TARBP1: variants seen among roughly 807,000 people sequenced by gnomAD.
The protein encoded by TARBP1 is tRNA (guanosine(18)-2'-O)-methyltransferase TARBP1.
In TARBP1, 144 loss-of-function variants were observed where a neutral mutation model predicts 178.6. The observed-to-expected ratio is 0.81, with a 90% CI of 0.70 to 0.93. The LOEUF is 0.93. TARBP1 is among the 40% of genes least tolerant of loss of function. The pLI, the probability that TARBP1 is intolerant of heterozygous loss-of-function variation, is 0.00. For synonymous variants in TARBP1, 787 were observed against 781.0 expected (o/e 1.01, Z -0.13); for missense variants, 2,067 against 2,011.7 (o/e 1.03, Z -0.53).
At chr1:234,412,946 T>C (rs959341310) in intron 22 of TARBP1, among the ~76,000 whole-genome samples, 1 of 152,036 alleles carries the variant, frequency 6.6e-6, no homozygotes, top group African/African-American at 2.4e-5. Context: ...GCCTGATGCA[T>C]CCAGAGGTTG....
intron 6 of TARBP1, among the ~76,000 whole-genome samples, chr1:234,462,002 T>C (rs1667905833): frequency 6.6e-6 from 1 of 152,242 alleles, no homozygotes; most frequent in African/African-American, 2.4e-5. Context: ...CAGAAGATAT[T>C]CACTGGAAAC....
At chr1:234,415,306 T>A (rs536473962) in intron 22 of TARBP1, among the ~76,000 whole-genome samples, 2 of 152,254 alleles carry the variant, frequency 1.3e-5, no homozygotes, top group East Asian at 3.9e-4. Context: ...TCCTTTATGG[T>A]AAAAGGAAGA....
intron 25 of TARBP1, 104 bp from the exon 26 acceptor site, chr1:234,398,657 T>C: frequency 1.2e-6 from 1 of 856,776 alleles, no homozygotes; most frequent in Non-Finnish European, 1.7e-6. Flanking sequence ...TTCTCCAAAC[T>C]ATTACATCTG....
intron 23 of TARBP1, among the ~76,000 whole-genome samples, chr1:234,409,225 C>T (rs879136397): frequency 3.3e-5 from 5 of 150,230 alleles, no homozygotes; most frequent in Admixed American, 2.6e-4. Context: ...TTGGATGTTT[C>T]GAAAATAAAA....
rs777099425 is a variant in TARBP1, at chr1:234,450,520, G to A, written c.1769C>T (p.Pro590Leu). 1.2e-6 allele frequency: 2 copies of A among 1,611,754 alleles called. No homozygotes were observed. The highest frequency in any genetic ancestry group is 1.7e-5 in the Admixed American group (1 of 59,508). ...GTGAAGTCCAATGGAGCTACACGTA[G>A]GGGATGGCTTAAAATAGCTTTCATT... is the stretch of plus-strand genomic sequence containing the variant. ...RVNESYFKPS[P>L]TCSSIGLHKT... Residue 590 changes from proline (P) to leucine (L), a missense_variant, in exon 10 of 30, where the codon CCT becomes CTT. Transcript: ENST00000040877.
Position 234,478,299 on chromosome 1 carries a change from C to A in TARBP1, c.805G>T (p.Val269Leu). Residue 269 changes from valine (V) to leucine (L), a missense_variant, in exon 1 of 30, where the codon GTG becomes TTG. Coordinates refer to ENST00000040877, the MANE Select transcript of TARBP1 (RefSeq NM_005646.4). ...ARRCWRFWRT[V>L]QAGLGQADAL... ...TCCGCCTGGCCCAGCCCCGCCTGCACCGTCCTCCAGAAGCGCCAGCAGCGC... is the reference window on the plus strand; with the variant it reads ...TCCGCCTGGCCCAGCCCCGCCTGCAACGTCCTCCAGAAGCGCCAGCAGCGC... The A allele has an allele frequency of 2.6e-6, 4 of 1,545,846 alleles. No homozygotes were observed. Among genetic ancestry groups the A allele is most frequent in the Non-Finnish European group, 2.6e-6 (3 of 1,150,912 alleles).
At chr1:234,427,832 A>C (rs1663955224) in intron 17 of TARBP1, 66 bp from the exon 18 acceptor site, 1 of 1,171,566 alleles carries the variant, frequency 8.5e-7, no homozygotes, top group East Asian at 2.9e-5. Context: ...GCTGCTAAAA[A>C]CTGTTACTTA....
At chr1:234,472,380 C>CCGA (rs956836267) in intron 2 of TARBP1, among the ~76,000 whole-genome samples, 78 of 150,828 alleles carry the variant, frequency 5.2e-4, no homozygotes, top group African/African-American at 1.5e-3. Context: ...AGGCCCCACC[C>CCGA]CGACCTACTG....
intron 1 of TARBP1, among the ~76,000 whole-genome samples, chr1:234,476,251 C>G (rs1055680389): frequency 6.6e-6 from 1 of 152,126 alleles, no homozygotes; most frequent in Non-Finnish European, 1.5e-5. Flanking sequence ...CATAAAGGAG[C>G]ATTTGATGGA....
Position 234,391,466 on chromosome 1 carries a change from G to A in TARBP1, c.*111C>T. 7.9e-7 allele frequency: 1 copy of A among 1,268,170 alleles called. No individual in the cohort carries two copies. The highest frequency in any genetic ancestry group is 1.5e-5 in the African/African-American group (1 of 66,502). The allele number at this position is 1,268,170 out of a possible 1,614,324, so 78.6% of individuals were successfully genotyped here. On this transcript the variant is annotated 3_prime_UTR_variant, in exon 30 of 30. Transcript: ENST00000040877. ...GCAAACTTTTGGCATTAAATTGCAA[G>A]AAAAAAGAAATACAAATTATCACAA... is the stretch of plus-strand genomic sequence containing the variant.
intron 12 of TARBP1, among the ~76,000 whole-genome samples, chr1:234,443,532 A>G (rs974087909): frequency 3.3e-5 from 5 of 152,176 alleles, no homozygotes; most frequent in Non-Finnish European, 1.5e-5. Flanking sequence ...TGAAAATGTA[A>G]AAAGGTACAG....
rs1669889026 is a variant in TARBP1, at chr1:234,479,118, C to G, written c.-15G>C. ...ACCCACTCCATTTGCCGAGCGCCCG[C>G]GCCACCGGCCCGGGCTCCCAAAGGA... On this transcript the variant is annotated 5_prime_UTR_variant, in exon 1 of 30. Coordinates refer to ENST00000040877, the MANE Select transcript of TARBP1 (RefSeq NM_005646.4). 6.6e-7 allele frequency: 1 copy of G among 1,521,156 alleles called. No individual in the cohort carries two copies. The highest frequency in any genetic ancestry group is 8.7e-7 in the Non-Finnish European group (1 of 1,148,026). The allele number at this position is 1,521,156 out of a possible 1,614,324, so 94.2% of individuals were successfully genotyped here.
chr1:234,421,895 T>C (rs1307013182), intron 20 of TARBP1, among the ~76,000 whole-genome samples: 1 of 152,164 alleles, frequency 6.6e-6, no homozygotes, highest in African/African-American at 2.4e-5. Flanking sequence ...ATAACTTCTC[T>C]GACCTTTCTT....
At chr1:234,439,848 A>C (rs1665414061) in intron 12 of TARBP1, among the ~76,000 whole-genome samples, 1 of 152,182 alleles carries the variant, frequency 6.6e-6, no homozygotes, top group African/African-American at 2.4e-5. Flanking sequence ...GATACAAGGA[A>C]TAAATAGAAA....
rs868331690 is a variant in TARBP1 at position 234,446,490 on chromosome 1, A to G, written c.2134+313T>C. On this transcript the variant is annotated intron_variant, in intron 12 of 29. Transcript: ENST00000040877. Reference sequence around the variant, plus strand: ...TCTAGAAATCAATAAGCATGCATAAATATTTTTAAAAAGCAAATGAAATTA... The same window carrying G: ...TCTAGAAATCAATAAGCATGCATAAGTATTTTTAAAAAGCAAATGAAATTA... Among the ~76,000 whole-genome samples the G allele has an allele frequency of 7.2e-5, 11 of 152,182 alleles. 1 individual carries two copies. The highest frequency in any genetic ancestry group is 6.8e-3 in the Middle Eastern group (2 of 294).
chr1:234,421,240 C>G lies in TARBP1; in HGVS notation c.3445-428G>C, dbSNP rs959886849. On this transcript the variant is annotated intron_variant, in intron 20 of 29. Transcript: ENST00000040877. ...AGTAGCTGGGACTACAGGCGCCCGC[C>G]ACCACACCCAGCTAACTTCTGTATT... Among the ~76,000 whole-genome samples the G allele has an allele frequency of 4.2e-4, 64 of 152,224 alleles. 1 individual carries two copies. Among genetic ancestry groups the G allele is most frequent in the Admixed American group, 3.9e-3 (60 of 15,288 alleles).
At chr1:234,392,856 GCC>G in intron 28 of TARBP1, 2 of 176,172 alleles carry the variant, frequency 1.1e-5, no homozygotes, top group Non-Finnish European at 2.4e-5. Context: ...GACTACAGGC[GCC>G]CACCACCACG....
At chr1:234,477,921 A>T (rs988706186) in intron 1 of TARBP1, among the ~76,000 whole-genome samples, 1 of 152,120 alleles carries the variant, frequency 6.6e-6, no homozygotes, top group Non-Finnish European at 1.5e-5. Context: ...ATCTTCCTAA[A>T]CTATTCCAGG....
chr1:234,450,069 A>G (rs557632274), intron 10 of TARBP1, among the ~76,000 whole-genome samples: 4 of 152,278 alleles, frequency 2.6e-5, no homozygotes, highest in Non-Finnish European at 4.4e-5. Context: ...CGTATTTCCA[A>G]TGCATATATT....
Sources: gnomAD v4.1 joint callset for allele counts (sites outside exome capture counted in the v4.1 genomes callset) on GRCh38, gnomAD v4.1.1 for gene constraint, MANE v1.5 for transcripts, NCBI Gene and HGNC (gene_info 2026-07-23, HGNC 2026-07-21) for gene names.